The following DNAJB12 variants were observed in gnomAD, a reference collection of about 807,000 sequenced individuals.
The protein encoded by DNAJB12 is DnaJ heat shock protein family (Hsp40) member B12.
DNAJB12 carries 14 observed loss-of-function variants against 40.6 expected under a neutral mutation model. The observed-to-expected ratio is 0.34, with a 90% CI of 0.23 to 0.54. The LOEUF (loss-of-function observed/expected upper bound fraction) is 0.54. DNAJB12 is among the 20% of genes least tolerant of loss of function. The pLI is 0.92. For synonymous variants in DNAJB12, 181 were observed against 199.5 expected (o/e 0.91, Z 0.78); for missense variants, 444 against 501.7 (o/e 0.89, Z 1.10).
rs1564819372 is a variant in DNAJB12 at position 72,340,825 on chromosome 10, G to A, written c.687C>T (p.Tyr229=). 1 of 1,614,206 alleles carries A rather than the reference G, an allele frequency of 6.2e-7. No homozygotes were observed. Among genetic ancestry groups the A allele is most frequent in the Admixed American group, 1.7e-5 (1 of 60,034 alleles). ...VYSNGRMRYT[Y]QQRQDRRDNQ... Reference sequence around the variant, plus strand: ...TGTCCCTGCGGTCCTGCCTTTGCTGGTAGGTATAGCGCATGCGGCCGTTGC... The same window carrying A: ...TGTCCCTGCGGTCCTGCCTTTGCTGATAGGTATAGCGCATGCGGCCGTTGC... The change falls in exon 5 of 9, where the codon TAC becomes TAT. Residue 229 remains tyrosine, a synonymous_variant. Transcript: ENST00000444643.
At position 72,340,769 on chromosome 10, in the gene DNAJB12, C is replaced by CT; in HGVS notation, c.723+19dup. On this transcript the variant is annotated intron_variant, in intron 5 of 8. Transcript: ENST00000444643. ...ATTTGGTGCCCTTCCCGCGCTGTCC[C>CT]TGGCGCCCTCCTCACTCACATCACC... is the stretch of plus-strand genomic sequence containing the variant. 6.2e-7 allele frequency: 1 copy of CT among 1,612,662 alleles called. No homozygotes were observed. The highest frequency in any genetic ancestry group is 1.1e-5 in the South Asian group (1 of 90,804).
chr10:72,349,375 G>A (rs902293930), intron 1 of DNAJB12, among the ~76,000 whole-genome samples: 1 of 152,044 alleles, frequency 6.6e-6, no homozygotes, highest in African/African-American at 2.4e-5. Flanking sequence ...CAAGGCTCAG[G>A]AAGGCAAAGA....
intron 5 of DNAJB12, among the ~76,000 whole-genome samples, chr10:72,340,489 C>A (rs1445053099): frequency 6.6e-6 from 1 of 152,264 alleles, no homozygotes; most frequent in East Asian, 1.9e-4. Context: ...AGCGAGCGGT[C>A]TGCATGGGAG....
At chr10:72,343,656 G>A in intron 2 of DNAJB12, 145 bp from the exon 3 acceptor site, 1 of 849,656 alleles carries the variant, frequency 1.2e-6, no homozygotes, top group East Asian at 2.4e-5. Context: ...GGTCAGCTGT[G>A]TGACACCAGG....
At position 72,339,861 on chromosome 10, in the gene DNAJB12, C is replaced by T. The variant is rs572209555; in HGVS notation, c.723+928G>A. Among the ~76,000 whole-genome samples, 184 of 151,950 alleles carry T rather than the reference C, an allele frequency of 1.2e-3. 1 individual carries two copies. Among genetic ancestry groups the T allele is most frequent in the Middle Eastern group, 0.01 (3 of 294 alleles). On this transcript the variant is annotated intron_variant, in intron 5 of 8. Transcript: ENST00000444643. ...CCCGAGTAGGGATTAAAGGCGCCTG[C>T]CACTACGCCCAGCTAATTTTTGTAT...
chr10:72,334,363 A>T lies in DNAJB12; in HGVS notation c.*285T>A. The T allele has an allele frequency of 1.8e-6, 1 of 557,126 alleles. No homozygotes were observed. The highest frequency in any genetic ancestry group is 2.2e-5 in the South Asian group (1 of 46,326). The allele number at this position is 557,126 out of a possible 1,614,324, so 34.5% of individuals were successfully genotyped here. On this transcript the variant is annotated 3_prime_UTR_variant, in exon 9 of 9. Coordinates refer to ENST00000444643, the MANE Select transcript of DNAJB12 (RefSeq NM_017626.7). ...AGTTTTACATTCTACTTTCGTTGCC[A>T]TGGTTTCTGTATCCTAGGAGAGAGG...
chr10:72,350,703 C>T (rs1012968525), intron 1 of DNAJB12, among the ~76,000 whole-genome samples: 2 of 152,164 alleles, frequency 1.3e-5, no homozygotes, highest in Admixed American at 6.5e-5. Context: ...TGGAGATGGA[C>T]AGCTCTGGGT....
chr10:72,341,315 G>A (rs1280169200), intron 3 of DNAJB12, 145 bp from the exon 4 acceptor site: 7 of 756,684 alleles, frequency 9.3e-6, no homozygotes, highest in Non-Finnish European at 1.3e-5. Flanking sequence ...AGCTTGGCCA[G>A]TGTAAGGAGG....
intron 1 of DNAJB12, 140 bp from the exon 2 acceptor site, chr10:72,345,267 G>A: frequency 2.1e-6 from 2 of 961,930 alleles, no homozygotes; most frequent in South Asian, 3.3e-5. Context: ...GGGTGCTGGG[G>A]GGACAGTCAT....
rs765247116 is a variant in DNAJB12 at position 72,336,679 on chromosome 10, T to C, written c.851A>G (p.His284Arg). 6.2e-7 allele frequency: 1 copy of C among 1,614,002 alleles called. No homozygotes were observed. Among genetic ancestry groups the C allele is most frequent in the Non-Finnish European group, 8.5e-7 (1 of 1,179,926 alleles). Residue 284 changes from histidine (H) to arginine (R), a missense_variant, in exon 7 of 9, where the codon CAC (histidine) becomes CGC (arginine). His to Arg is a conservative substitution (Grantham distance 29). Coordinates refer to ENST00000444643, the MANE Select transcript of DNAJB12 (RefSeq NM_017626.7). Reference sequence around the variant, plus strand: ...ACCCAGGTGGTCAGTGACTCGCCTGTGGATGTGGCCCACGGACCTGGCCAG... The same window carrying C: ...ACCCAGGTGGTCAGTGACTCGCCTGCGGATGTGGCCCACGGACCTGGCCAG... ...LSPRPSVGHI[H>R]RRVTDHLGVV...
Position 72,336,532 on chromosome 10 carries a change from T to A in DNAJB12, c.998A>T (p.Lys333Met), listed in dbSNP as rs1379687507. ...ANLRNNCWKE[K>M]QQKEGLLYRA... ...CTTCCCCCCACACTCACTCTGCTGC[T>A]TCTCCTTCCAGCAGTTGTTCCGGAG... The change falls in exon 7 of 9, where the codon AAG (lysine) becomes ATG (methionine). Residue 333 changes from lysine to methionine, a missense_variant. By Grantham distance (95) the Lys-to-Met change is moderately conservative (BLOSUM62 -1). Transcript: ENST00000444643. 1 of 1,613,830 alleles carries A rather than the reference T, an allele frequency of 6.2e-7. No homozygotes were observed. Among genetic ancestry groups the A allele is most frequent in the African/African-American group, 1.3e-5 (1 of 75,056 alleles).
intron 6 of DNAJB12, among the ~76,000 whole-genome samples, chr10:72,337,467 G>C (rs1365720307): frequency 1.3e-5 from 2 of 152,240 alleles, no homozygotes; most frequent in African/African-American, 4.8e-5. Context: ...CATCAGTGAG[G>C]GGAGCTGACC....
At chr10:72,334,738 C>T in intron 8 of DNAJB12, 121 bp from the exon 9 acceptor site, 1 of 1,404,606 alleles carries the variant, frequency 7.1e-7, no homozygotes, top group Non-Finnish European at 9.2e-7. Context: ...CGCTCGACCC[C>T]CACCAACCCC....
At position 72,351,423 on chromosome 10, in the gene DNAJB12, C is replaced by A. The variant is rs377521497; in HGVS notation, c.133+3342G>T. Among the ~76,000 whole-genome samples the A allele has an allele frequency of 5.9e-5, 9 of 152,358 alleles. No homozygotes were observed. In the South Asian group the frequency reaches 1.2e-3, roughly 21 times the overall value. On this transcript the variant is annotated intron_variant, in intron 1 of 8. Transcript: ENST00000444643. ...ATCCTTTCAAGGTTGCTCTGAGCCT[C>A]CCCTCTCTCGTGACTCTCCCCTCTC...
chr10:72,336,792 A>G (rs1861491150), intron 6 of DNAJB12, 96 bp from the exon 7 acceptor site: 1 of 1,047,454 alleles, frequency 9.5e-7, no homozygotes. Context: ...CGCACAGACC[A>G]GAGGAGTAGT....
intron 5 of DNAJB12, among the ~76,000 whole-genome samples, chr10:72,340,508 T>A (rs1861603161): frequency 6.6e-6 from 1 of 152,198 alleles, no homozygotes; most frequent in Non-Finnish European, 1.5e-5. Flanking sequence ...AGCCTCACAC[T>A]CAAACCTGGC....
At position 72,340,806 on chromosome 10, in the gene DNAJB12, T is replaced by C; in HGVS notation, c.706A>G (p.Arg236Gly). The C allele has an allele frequency of 6.2e-7, 1 of 1,614,132 alleles. No individual in the cohort carries two copies. Among genetic ancestry groups the C allele is most frequent in the South Asian group, 1.1e-5 (1 of 91,050 alleles). The part of the protein sequence containing the change: ...RYTYQQRQDR[R>G]DNQGDGGLGV... ...TCACTCACATCACCCTGGTTGTCCC[T>C]GCGGTCCTGCCTTTGCTGGTAGGTA... Residue 236 changes from arginine (R) to glycine (G), a missense_variant, in exon 5 of 9, where the codon AGG (arginine) becomes GGG (glycine). Physicochemically the swap from Arg to Gly is moderately radical, Grantham distance 125 (BLOSUM62 -2). Coordinates refer to ENST00000444643, the MANE Select transcript of DNAJB12 (RefSeq NM_017626.7).
At position 72,335,830 on chromosome 10, in the gene DNAJB12, G is replaced by A. The variant is rs778608691; in HGVS notation, c.1108C>T (p.Gln370Ter). 6.2e-7 allele frequency: 1 copy of A among 1,614,162 alleles called. No homozygotes were observed. Among genetic ancestry groups the A allele is most frequent in the Non-Finnish European group, 8.5e-7 (1 of 1,180,006 alleles). ...TPSCSRLSEVQASLHG is the reference protein window; with the variant it reads ...TPSCSRLSEV ...CAGGACTATCCATGCAGGGAGGCCTGCACCTCTGACAGTCGGCTGCAGCTG... is the reference window on the plus strand; with the variant it reads ...CAGGACTATCCATGCAGGGAGGCCTACACCTCTGACAGTCGGCTGCAGCTG... The change falls in exon 8 of 9, where the codon CAG becomes TAG. Residue 370 changes from glutamine to a stop codon, truncating the protein, a stop_gained. Transcript: ENST00000444643. LOFTEE classifies it high-confidence loss of function. This position sits in a 1 kb window ranked among gnomAD's most constrained non-coding sequence, Gnocchi z 4.4.
chr10:72,337,394 G>C (rs1861507346), intron 6 of DNAJB12, among the ~76,000 whole-genome samples: 1 of 152,202 alleles, frequency 6.6e-6, no homozygotes, highest in Non-Finnish European at 1.5e-5. Context: ...TTTTGGGAGA[G>C]GGGGACCCAC....
Sources: allele counts gnomAD v4.1 joint callset (sites outside exome capture counted in the v4.1 genomes callset), GRCh38; gene constraint gnomAD v4.1.1; non-coding constraint Gnocchi (gnomAD v3.1); transcripts MANE v1.5; gene names NCBI Gene and HGNC (gene_info 2026-07-23, HGNC 2026-07-21).